PAK1: variants seen among roughly 807,000 people sequenced by gnomAD.
PAK1 encodes p21 (RAC1) activated kinase 1.
A neutral mutation model predicts 67.4 loss-of-function variants in PAK1; 29 were observed. That is an observed-to-expected ratio of 0.43 (90% CI 0.32 to 0.59). The LOEUF is 0.59. Among genes scored for constraint, PAK1 ranks in the 20% least tolerant of loss-of-function variants. The pLI is 0.07. For synonymous variants in PAK1, 223 were observed against 237.4 expected (o/e 0.94, Z 0.56); for missense variants, 337 against 670.7 (o/e 0.50, Z 5.50).
At position 77,323,305 on chromosome 11, in the gene PAK1, G is replaced by A; in HGVS notation, c.1607C>T (p.Ala536Val). 4.3e-6 allele frequency: 7 copies of A among 1,614,026 alleles called. No individual in the cohort carries two copies. Among genetic ancestry groups the A allele is most frequent in the Non-Finnish European group, 5.1e-6 (6 of 1,179,916 alleles). ...PLSSLTPLIA[A>V]AKEATKNNH ...ATTGTTCTTTGTTGCCTCCTTAGCT[G>A]CAGCAATCAGTGGAGTGAGGCTGGA... Residue 536 changes from alanine to valine, a missense_variant, in exon 15 of 15, where the codon GCA becomes GTA. This residue lies in a region of PAK1 where 71 missense variants were observed against 160.5 expected (regional missense o/e 0.44). Transcript: ENST00000356341.
chr11:77,352,704 A>T (rs1486855830), intron 8 of PAK1, among the ~76,000 whole-genome samples: 1 of 151,832 alleles, frequency 6.6e-6, no homozygotes, highest in Non-Finnish European at 1.5e-5. Context: ...TTTATGCTGT[A>T]TTTTTACCGT....
At chr11:77,379,118 A>G (rs1949488558) in intron 4 of PAK1, 123 bp downstream of exon 4, 3 of 827,002 alleles carry the variant, frequency 3.6e-6, no homozygotes, top group Non-Finnish European at 5.5e-6. Flanking sequence ...ATTCCACGTT[A>G]AAGTGCCACT....
the PAK1 span, among the ~76,000 whole-genome samples, chr11:77,502,599 G>A: frequency 1.3e-5 from 2 of 152,136 alleles, no homozygotes; most frequent in Admixed American, 1.3e-4. Context: ...ACCCCACATA[G>A]CTGGAAGAGA....
the PAK1 span, among the ~76,000 whole-genome samples, chr11:77,496,223 T>A: frequency 6.6e-6 from 1 of 151,930 alleles, no homozygotes; most frequent in Non-Finnish European, 1.5e-5. Flanking sequence ...TTCACTCTGT[T>A]GGCCAGGATG....
the PAK1 span, among the ~76,000 whole-genome samples, chr11:77,500,623 A>AC: frequency 6.6e-6 from 1 of 151,930 alleles, no homozygotes; most frequent in Admixed American, 6.6e-5. Context: ...AGGCAGGAGG[A>AC]TCATTTGAGC....
At chr11:77,498,554 A>AT in the PAK1 span, among the ~76,000 whole-genome samples, 3 of 151,764 alleles carry the variant, frequency 2.0e-5, no homozygotes, top group Non-Finnish European at 4.4e-5. Flanking sequence ...TCTTACATTC[A>AT]TTTTTTATCT....
intron 1 of PAK1, among the ~76,000 whole-genome samples, chr11:77,405,670 G>GACACACACAC (rs370157407): frequency 2.3e-4 from 29 of 125,574 alleles, no homozygotes; most frequent in African/African-American, 9.1e-4. Flanking sequence ...CAGACAGACA[G>GACACACACAC]ACAGACACAC....
chr11:77,387,455 T>C lies in PAK1; in HGVS notation c.190+4876A>G, dbSNP rs368301711. On this transcript the variant is annotated intron_variant, in intron 2 of 14. Transcript: ENST00000356341. ...ACTAAGAGAGATAGTTATGTTACAATGGAACAGATAATTTAGGAAGACTTA... is the reference window on the plus strand; with the variant it reads ...ACTAAGAGAGATAGTTATGTTACAACGGAACAGATAATTTAGGAAGACTTA... Among the ~76,000 whole-genome samples, 8 of 152,344 alleles carry C rather than the reference T, an allele frequency of 5.3e-5. No homozygotes were observed. In the South Asian group the frequency reaches 6.2e-4, roughly 12 times the overall value.
At chr11:77,412,387 ATAGCTGCCTC>A (rs1266623950) in intron 1 of PAK1, among the ~76,000 whole-genome samples, 8 of 152,096 alleles carry the variant, frequency 5.3e-5, no homozygotes, top group Non-Finnish European at 1.2e-4. Context: ...GTGGGCCCCT[ATAGCTGCCTC>A]TAAGCAAACA....
intron 11 of PAK1, among the ~76,000 whole-genome samples, chr11:77,338,538 C>T (rs1034753195): frequency 3.9e-5 from 6 of 152,192 alleles, no homozygotes; most frequent in East Asian, 1.9e-4. Context: ...ACAGCTACTA[C>T]GGAAACAGTT....
At position 77,343,866 on chromosome 11, in the gene PAK1, C is replaced by T; in HGVS notation, c.951G>A (p.Leu317=). 2 of 1,613,458 alleles carry T rather than the reference C, an allele frequency of 1.2e-6. No homozygotes were observed. The highest frequency in any genetic ancestry group is 1.7e-6 in the Non-Finnish European group (2 of 1,179,438). Residue 317 remains leucine (L), a synonymous_variant, in exon 10 of 15, where the codon CTG becomes CTA. Transcript: ENST00000356341. ...TTGGGTTCTTGTTTTCCCTCATGAC[C>T]AGGATCTCATTAATAATCAGCTCTT... The part of the protein sequence containing the change: ...PKKELIINEI[L]VMRENKNPNI...
intron 1 of PAK1, among the ~76,000 whole-genome samples, chr11:77,445,963 T>A (rs145313390): frequency 6.6e-6 from 1 of 152,196 alleles, no homozygotes. Context: ...GTCTCATTCA[T>A]CTTTATATCT....
the PAK1 span, among the ~76,000 whole-genome samples, chr11:77,529,271 T>C: frequency 6.6e-6 from 1 of 152,216 alleles, no homozygotes; most frequent in East Asian, 1.9e-4. Context: ...TTAGAATCAT[T>C]TTGCTACTTA....
intron 1 of PAK1, among the ~76,000 whole-genome samples, chr11:77,470,669 A>AG (rs1225890156): frequency 6.6e-6 from 1 of 152,228 alleles, no homozygotes; most frequent in East Asian, 1.9e-4. Context: ...AACAGGCCCT[A>AG]TATAGCTTTA....
At chr11:77,509,994 ACT>A in the PAK1 span, among the ~76,000 whole-genome samples, 4 of 151,908 alleles carry the variant, frequency 2.6e-5, no homozygotes, top group African/African-American at 7.3e-5. Context: ...TGGGGAATAG[ACT>A]CTCTGTTATC....
intron 1 of PAK1, among the ~76,000 whole-genome samples, chr11:77,449,495 C>CA (rs34103583): frequency 0.25 from 37,248 of 151,950 alleles, 5,644 homozygotes; most frequent in South Asian, 0.45. Context: ...TAAAGCCAGG[C>CA]ATGAAAACAA....
chr11:77,482,156 T>C, the PAK1 span, among the ~76,000 whole-genome samples: 1 of 151,938 alleles, frequency 6.6e-6, no homozygotes, highest in East Asian at 1.9e-4. Context: ...GCCCAGTTAA[T>C]TTTTGTATTT....
chr11:77,469,228 T>C (rs771132014), intron 1 of PAK1, among the ~76,000 whole-genome samples: 5 of 152,288 alleles, frequency 3.3e-5, no homozygotes, highest in East Asian at 1.9e-4. Context: ...GCCACTTACT[T>C]GCAGCAAAAC....
At chr11:77,479,602 C>CTTTTT (rs34649009), upstream of PAK1, among the ~76,000 whole-genome samples, 6 of 80,536 alleles carry the variant, frequency 7.5e-5, no homozygotes, top group Non-Finnish European at 1.3e-4. Flanking sequence ...GAAAAATAAA[C>CTTTTT]TTTTTTTTTT....
Sources: gnomAD v4.1 joint callset for allele counts (sites outside exome capture counted in the v4.1 genomes callset) on GRCh38, gnomAD v4.1.1 for gene constraint, gnomAD v4.1.1 regional missense constraint, MANE v1.5 for transcripts, NCBI Gene and HGNC (gene_info 2026-07-23, HGNC 2026-07-21) for gene names.